Variants in TMEM94 observed in about 807,000 individuals in gnomAD.
TMEM94 encodes ER Mg2+ ATPase.
A neutral mutation model predicts 158.6 loss-of-function variants in TMEM94; 81 were observed. The observed-to-expected ratio is 0.51, with a 90% CI of 0.43 to 0.61. The LOEUF (loss-of-function observed/expected upper bound fraction) is 0.61. Among genes scored for constraint, TMEM94 ranks in the 20% least tolerant of loss-of-function variants. The probability of loss-of-function intolerance (pLI) is 0.00; values close to 1 mark genes in which losing one functional copy is unlikely to be tolerated. For synonymous variants in TMEM94, 751 were observed against 730.7 expected, an observed-to-expected ratio of 1.03 and a Z score of -0.45; for missense variants, 1,435 against 1,762.0, an observed-to-expected ratio of 0.81 and a Z score of 3.32.
At chr17:75,475,723 G>A (rs540448967) in intron 2 of TMEM94, among the ~76,000 whole-genome samples, 8 of 42,210 alleles carry the variant, frequency 1.9e-4, no homozygotes, top group South Asian at 1.6e-3. Context: ...GGGCATTCCC[G>A]GGCAGCCTCA....
At position 75,485,585 on chromosome 17, in the gene TMEM94, G is replaced by A; in HGVS notation, c.144+38G>A. 1 of 1,613,610 alleles carries A rather than the reference G, an allele frequency of 6.2e-7. No homozygotes were observed. Among genetic ancestry groups the A allele is most frequent in the Non-Finnish European group, 8.5e-7 (1 of 1,179,620 alleles). On this transcript the variant is annotated intron_variant, in intron 3 of 31. Transcript: ENST00000314256. This position sits in a 1 kb window ranked among gnomAD's most constrained non-coding sequence, Gnocchi z 5.5. ...CTCGGGGCTACCAGGGCCTGGCTGG[G>A]ATGGCAGGGAAGTGTGGGAGGCCCC... is the stretch of plus-strand genomic sequence containing the variant.
intron 1 of TMEM94, among the ~76,000 whole-genome samples, chr17:75,463,174 GTGTGTATATA>G (rs2050172348): frequency 6.2e-4 from 3 of 4,854 alleles, no homozygotes; most frequent in East Asian, 1.1e-3. Flanking sequence ...GTGTGTGTGT[GTGTGTATATA>G]TATATATATA....
In TMEM94 at chr17:75,489,943, G is replaced by A. The variant is rs2052001295; in HGVS notation, c.954+281G>A. The A allele has an allele frequency of 1.8e-6, 1 of 561,850 alleles. No homozygotes were observed. The highest frequency in any genetic ancestry group is 3.2e-6 in the Non-Finnish European group (1 of 313,714). The allele number at this position is 561,850 out of a possible 1,614,324, so 34.8% of individuals were successfully genotyped here. Reference sequence around the variant, plus strand: ...AGAATATAAAAATTAGCTGGGCGTGGTGGCACGTGCCTGTGGTCCCAGCCA... The same window carrying A: ...AGAATATAAAAATTAGCTGGGCGTGATGGCACGTGCCTGTGGTCCCAGCCA... On this transcript the variant is annotated intron_variant, in intron 9 of 31. Coordinates refer to ENST00000314256, the MANE Select transcript of TMEM94 (RefSeq NM_014738.6). This position sits in a 1 kb window ranked among gnomAD's most constrained non-coding sequence, Gnocchi z 5.0.
At chr17:75,467,451 G>T (rs975211550) in intron 1 of TMEM94, among the ~76,000 whole-genome samples, 1 of 149,132 alleles carries the variant, frequency 6.7e-6, no homozygotes, top group African/African-American at 2.5e-5. Flanking sequence ...ATATACAATT[G>T]ATCTTGTCTT....
chr17:75,456,637 C>A lies in TMEM94; in HGVS notation c.-221C>A, dbSNP rs372826833. 2.6e-5 allele frequency: 4 copies of A among 152,430 alleles called. No individual in the cohort carries two copies. Among genetic ancestry groups the A allele is most frequent in the East Asian group, 1.9e-4 (1 of 5,186 alleles). The allele number at this position is 152,430 out of a possible 1,614,324, so 9.4% of individuals were successfully genotyped here. A position where few individuals can be genotyped will look rare whatever the true frequency, so the allele number is the denominator to read the frequency against. ...TGTTGCCCGGAAGGGAGGCAAGCCCCCTTAGAGTTGCCAGTAACGGACATG... is the reference window on the plus strand; with the variant it reads ...TGTTGCCCGGAAGGGAGGCAAGCCCACTTAGAGTTGCCAGTAACGGACATG... On this transcript the variant is annotated 5_prime_UTR_variant, in exon 1 of 32. Transcript: ENST00000314256.
At position 75,489,964 on chromosome 17, in the gene TMEM94, A is replaced by G; in HGVS notation, c.955-270A>G. ...CGTGGTGGCACGTGCCTGTGGTCCC[A>G]GCCATTCAGGTGGCTGAGGTGGGAG... is the stretch of plus-strand genomic sequence containing the variant. On this transcript the variant is annotated intron_variant, in intron 9 of 31. Coordinates refer to ENST00000314256, the MANE Select transcript of TMEM94 (RefSeq NM_014738.6). The surrounding 1 kb of genome is among the most constrained non-coding windows in gnomAD (Gnocchi z 5.0). The G allele has an allele frequency of 1.8e-6, 1 of 567,322 alleles. No homozygotes were observed. Among genetic ancestry groups the G allele is most frequent in the Non-Finnish European group, 3.1e-6 (1 of 318,718 alleles). The allele number at this position is 567,322 out of a possible 1,614,324, so 35.1% of individuals were successfully genotyped here. A position where few individuals can be genotyped will look rare whatever the true frequency, so the allele number is the denominator to read the frequency against.
At chr17:75,457,166 G>C (rs1424484790) in intron 1 of TMEM94, 3 of 152,392 alleles carry the variant, frequency 2.0e-5, no homozygotes, top group Non-Finnish European at 4.4e-5. Flanking sequence ...GCCTGCGCGC[G>C]CTCTCCGCAG....
At chr17:75,462,001 G>GGTT (rs1555620274) in intron 1 of TMEM94, among the ~76,000 whole-genome samples, 1 of 85,664 alleles carries the variant, frequency 1.2e-5, no homozygotes, top group South Asian at 4.0e-4. Flanking sequence ...TTTTTGTTTT[G>GGTT]TTTTGTTTTG....
rs758019611 is a variant in TMEM94, at chr17:75,499,523, G to A, written c.*189G>A. On this transcript the variant is annotated 3_prime_UTR_variant, in exon 32 of 32. Coordinates refer to ENST00000314256, the MANE Select transcript of TMEM94 (RefSeq NM_014738.6). ...TGGGGCTCACTGTGGAGGAGCTGAC[G>A]GCCTGGGCCCTTGGCCAGTCCTGGC... The A allele has an allele frequency of 1.9e-5, 12 of 617,132 alleles. No homozygotes were observed. The highest frequency in any genetic ancestry group is 4.0e-4 in the Middle Eastern group (1 of 2,480). The allele number at this position is 617,132 out of a possible 1,614,324, so 38.2% of individuals were successfully genotyped here. A position where few individuals can be genotyped will look rare whatever the true frequency, so the allele number is the denominator to read the frequency against.
At position 75,492,532 on chromosome 17, in the gene TMEM94, A is replaced by AC. The variant is rs1567961683; in HGVS notation, c.1657dup (p.Leu553ProfsTer19). On this transcript the variant is annotated frameshift_variant, in exon 15 of 32. Coordinates refer to ENST00000314256, the MANE Select transcript of TMEM94 (RefSeq NM_014738.6). LOFTEE classifies it high-confidence loss of function. The surrounding 1 kb of genome is among the most constrained non-coding windows in gnomAD (Gnocchi z 4.4). ...GCAGAGGACTTTGTGTGTGACTACC[A>AC]CCTGGAGATGCTGAGCCTGTCCCAG... The AC allele has an allele frequency of 6.2e-7, 1 of 1,613,248 alleles. No homozygotes were observed. The highest frequency in any genetic ancestry group is 1.3e-5 in the African/African-American group (1 of 74,940).
rs962448395 is a variant in TMEM94 at position 75,491,212 on chromosome 17, G to T, written c.1233+59G>T. 1.3e-4 allele frequency: 209 copies of T among 1,597,038 alleles called. No homozygotes were observed. The highest frequency in any genetic ancestry group is 1.5e-4 in the Non-Finnish European group (176 of 1,169,526). On this transcript the variant is annotated intron_variant, in intron 12 of 31. Transcript: ENST00000314256. The surrounding 1 kb of genome is among the most constrained non-coding windows in gnomAD (Gnocchi z 5.1). Reference sequence around the variant, plus strand: ...TCATGCCCGCCCTGCTCTCTGGCTGGGCCTGGGCTGCCCACCTGCCGCTTG... The same window carrying T: ...TCATGCCCGCCCTGCTCTCTGGCTGTGCCTGGGCTGCCCACCTGCCGCTTG...
At chr17:75,478,168 A>G (rs2050843056) in intron 2 of TMEM94, among the ~76,000 whole-genome samples, 1 of 61,716 alleles carries the variant, frequency 1.6e-5, no homozygotes, top group Non-Finnish European at 3.2e-5. Flanking sequence ...GGCGCCCGCC[A>G]CTACGCCCGG....
At chr17:75,486,524 G>A in intron 5 of TMEM94, 98 bp downstream of exon 5, 1 of 1,478,110 alleles carries the variant, frequency 6.8e-7, no homozygotes, top group Non-Finnish European at 9.3e-7. Context: ...CGGGTTGCCT[G>A]TGGCCAGCAT....
chr17:75,473,392 G>T (rs1304067955), intron 2 of TMEM94, among the ~76,000 whole-genome samples: 1 of 152,220 alleles, frequency 6.6e-6, no homozygotes, highest in African/African-American at 2.4e-5. Flanking sequence ...CAAGGGCTCT[G>T]CACTGCTCAG....
chr17:75,470,706 A>C (rs1171808019), intron 1 of TMEM94, among the ~76,000 whole-genome samples: 2 of 147,810 alleles, frequency 1.4e-5, no homozygotes, highest in Non-Finnish European at 3.0e-5. Flanking sequence ...CTCTGTCTCA[A>C]AAAAAAAAAA....
At chr17:75,478,035 A>G (rs1332564488) in intron 2 of TMEM94, among the ~76,000 whole-genome samples, 5 of 34,060 alleles carry the variant, frequency 1.5e-4, no homozygotes, top group African/African-American at 9.9e-4. Context: ...TTTTTTTTTG[A>G]GACGGAGTCT....
chr17:75,489,949 C>T lies in TMEM94; in HGVS notation c.955-285C>T, dbSNP rs1040693274. On this transcript the variant is annotated intron_variant, in intron 9 of 31. Transcript: ENST00000314256. The surrounding 1 kb of genome is among the most constrained non-coding windows in gnomAD (Gnocchi z 5.0). Reference sequence around the variant, plus strand: ...TAAAAATTAGCTGGGCGTGGTGGCACGTGCCTGTGGTCCCAGCCATTCAGG... The same window carrying T: ...TAAAAATTAGCTGGGCGTGGTGGCATGTGCCTGTGGTCCCAGCCATTCAGG... The T allele has an allele frequency of 4.3e-5, 24 of 561,080 alleles. No homozygotes were observed. The highest frequency in any genetic ancestry group is 7.5e-5 in the African/African-American group (4 of 53,104). 34.8% of individuals were successfully genotyped at this position (561,080 alleles called of 1,614,324 possible). A position where few individuals can be genotyped will look rare whatever the true frequency, so the allele number is the denominator to read the frequency against.
chr17:75,487,135 G>A lies in TMEM94; in HGVS notation c.409+709G>A, dbSNP rs2051692883. ...TGTGCCAGGCACTGGGAGTGCAATG[G>A]TGATGGCAAAAGATGGGCCCTGCTT... On this transcript the variant is annotated intron_variant, in intron 5 of 31. Coordinates refer to ENST00000314256, the MANE Select transcript of TMEM94 (RefSeq NM_014738.6). This position sits in a 1 kb window ranked among gnomAD's most constrained non-coding sequence, Gnocchi z 4.6. 1 of 152,666 alleles carries A rather than the reference G, an allele frequency of 6.6e-6. No individual in the cohort carries two copies. Among genetic ancestry groups the A allele is most frequent in the Admixed American group, 6.5e-5 (1 of 15,326 alleles). 9.5% of individuals were successfully genotyped at this position (152,666 alleles called of 1,614,324 possible).
chr17:75,483,413 A>C (rs2051329702), intron 2 of TMEM94, among the ~76,000 whole-genome samples: 1 of 151,358 alleles, frequency 6.6e-6, no homozygotes, highest in Admixed American at 6.6e-5. Flanking sequence ...GTGAGAGGAA[A>C]GGTGACTCTG....
Sources: gnomAD v4.1 joint callset for allele counts (sites outside exome capture counted in the v4.1 genomes callset) on GRCh38, gnomAD v4.1.1 for gene constraint, Gnocchi (gnomAD v3.1) non-coding constraint, MANE v1.5 for transcripts, NCBI Gene and HGNC (gene_info 2026-07-23, HGNC 2026-07-21) for gene names.